AGXT2: variants seen among roughly 807,000 people sequenced by gnomAD.
AGXT2 encodes the protein alanine--glyoxylate aminotransferase 2.
Under a neutral mutation model 62.5 loss-of-function variants are expected in AGXT2, and 61 were observed. The observed-to-expected ratio is 0.98, with a 90% confidence interval of 0.79 to 1.21. The LOEUF (loss-of-function observed/expected upper bound fraction) is 1.21, where lower values mean the gene tolerates loss of function less well. Ranked by LOEUF, AGXT2 falls within the 50% of genes most tolerant of loss-of-function variation. The pLI is 0.00. For missense variants in AGXT2, 666 were observed against 641.5 expected (o/e 1.04, Z -0.41); for synonymous variants, 243 against 218.7 (o/e 1.11, Z -0.98).
chr5:34,998,909 A>C, intron 13 of AGXT2, 83 bp from the exon 14 acceptor site: 1 of 1,034,422 alleles, frequency 9.7e-7, no homozygotes, highest in Non-Finnish European at 1.5e-6. Context: ...CTAAAAATCC[A>C]AAACCTTGTG....
chr5:35,026,310 T>C (rs953999017), intron 8 of AGXT2, 100 bp downstream of exon 8: 3 of 960,004 alleles, frequency 3.1e-6, no homozygotes. Flanking sequence ...AGGGACACAG[T>C]GAGCACTTAA....
At position 35,045,188 on chromosome 5, in the gene AGXT2, A is replaced by G. The variant is rs146270111; in HGVS notation, c.88+2617T>C. On this transcript the variant is annotated intron_variant, in intron 1 of 13. Coordinates refer to ENST00000231420, the MANE Select transcript of AGXT2 (RefSeq NM_031900.4). ...TTAGCCCAAAGTGATTGTGCATATC[A>G]AAGTGTAAACAAAGCTGAACATTTT... Among the ~76,000 whole-genome samples, 7 of 152,368 alleles carry G rather than the reference A, an allele frequency of 4.6e-5. No individual in the cohort carries two copies. In the East Asian group the frequency reaches 1.3e-3, roughly 29 times the overall value.
At chr5:35,015,840 A>G (rs1766830384) in intron 9 of AGXT2, among the ~76,000 whole-genome samples, 1 of 112,948 alleles carries the variant, frequency 8.9e-6, no homozygotes, top group Non-Finnish European at 1.7e-5. Context: ...ACAGAGTGAG[A>G]CTCCATCTCA....
At chr5:35,005,596 T>C (rs571343206) in intron 12 of AGXT2, among the ~76,000 whole-genome samples, 137 of 151,892 alleles carry the variant, frequency 9.0e-4, no homozygotes, top group Non-Finnish European at 1.4e-3. Context: ...AGCACCCTCT[T>C]GGCTCCCTTG....
chr5:35,038,627 C>G (rs1357985192), intron 3 of AGXT2, among the ~76,000 whole-genome samples: 2 of 152,138 alleles, frequency 1.3e-5, no homozygotes, highest in Non-Finnish European at 2.9e-5. Context: ...GATGGAAGGG[C>G]CCACATCTAT....
chr5:35,016,639 C>T (rs1276535434), intron 9 of AGXT2, among the ~76,000 whole-genome samples: 1 of 152,120 alleles, frequency 6.6e-6, no homozygotes, highest in Non-Finnish European at 1.5e-5. Flanking sequence ...ATGAGCCTGC[C>T]GTCTTCTCGG....
intron 9 of AGXT2, among the ~76,000 whole-genome samples, chr5:35,018,236 C>T (rs1439797470): frequency 1.3e-5 from 2 of 152,136 alleles, no homozygotes; most frequent in African/African-American, 4.8e-5. Context: ...CACAAAGATA[C>T]TCCTTGAGAA....
intron 13 of AGXT2, among the ~76,000 whole-genome samples, chr5:35,001,215 A>T (rs1408936161): frequency 2.0e-5 from 3 of 152,312 alleles, no homozygotes; most frequent in Non-Finnish European, 4.4e-5. Flanking sequence ...GATGTTTATG[A>T]ACACCTTGAA....
chr5:35,033,402 A>T, intron 6 of AGXT2, 58 bp downstream of exon 6: 1 of 1,311,946 alleles, frequency 7.6e-7, no homozygotes, highest in Non-Finnish European at 1.1e-6. Context: ...AAACCTGATC[A>T]ACTACTTCAC....
chr5:35,045,764 C>CTTTTTTTTTT (rs1255749919), intron 1 of AGXT2, among the ~76,000 whole-genome samples: 4 of 99,156 alleles, frequency 4.0e-5, no homozygotes, highest in African/African-American at 7.3e-5. Flanking sequence ...TTTCTTTTTT[C>CTTTTTTTTTT]TTTTTTTTTT....
rs1035002299 is a variant in AGXT2 at position 35,014,113 on chromosome 5, T to C, written c.970A>G (p.Thr324Ala). The C allele has an allele frequency of 6.2e-7, 1 of 1,613,918 alleles. No individual in the cohort carries two copies. Among genetic ancestry groups the C allele is most frequent in the Non-Finnish European group, 8.5e-7 (1 of 1,179,988 alleles). Residue 324 changes from threonine (T) to alanine (A), a missense_variant, in exon 10 of 14, where the codon ACA becomes GCA. Transcript: ENST00000231420. ...TGAGAGCCCAACCTTCCAAATCCTG[T>C]CTGCACCTGGGAAAACAAGTTCAAA... ...GGVCIADEVQTGFGRLGSHFW... is the reference protein window; with the variant it reads ...GGVCIADEVQAGFGRLGSHFW...
At chr5:35,005,946 T>C (rs1015550586) in intron 12 of AGXT2, among the ~76,000 whole-genome samples, 1 of 152,172 alleles carries the variant, frequency 6.6e-6, no homozygotes, top group Non-Finnish European at 1.5e-5. Flanking sequence ...ATCCTATTCC[T>C]AGGGACACCT....
chr5:35,018,575 A>G (rs1274594355), intron 9 of AGXT2, among the ~76,000 whole-genome samples: 2 of 152,194 alleles, frequency 1.3e-5, no homozygotes, highest in African/African-American at 2.4e-5. Context: ...TGAAGGAAGC[A>G]CTAAACATGG....
rs566664447 is a variant in AGXT2 at position 35,033,320 on chromosome 5, A to G, written c.675+140T>C. The G allele has an allele frequency of 6.9e-6, 5 of 723,940 alleles. No individual in the cohort carries two copies. The East Asian group carries it at 8.1e-5, about 12-fold the overall frequency. 44.8% of individuals were successfully genotyped at this position (723,940 alleles called of 1,614,324 possible). ...CTAATGGTGTCCTCAAGTGGTCTCCAATTCAATTAGGTCAAATTGAGCCCC... is the reference window on the plus strand; with the variant it reads ...CTAATGGTGTCCTCAAGTGGTCTCCGATTCAATTAGGTCAAATTGAGCCCC... On this transcript the variant is annotated intron_variant, in intron 6 of 13. Transcript: ENST00000231420.
Position 35,000,450 on chromosome 5 carries a change from G to A in AGXT2, c.1438-1624C>T, listed in dbSNP as rs558527257. Among the ~76,000 whole-genome samples the A allele has an allele frequency of 5.3e-5, 8 of 152,092 alleles. No individual in the cohort carries two copies. The South Asian group carries it at 1.2e-3, about 24-fold the overall frequency. On this transcript the variant is annotated intron_variant, in intron 13 of 13. Coordinates refer to ENST00000231420, the MANE Select transcript of AGXT2 (RefSeq NM_031900.4). Reference sequence around the variant, plus strand: ...GGCTGGAGTGCAGTGGCACAATCTCGGCTCACTGCAACCTCCGCCTCCCAG... The same window carrying A: ...GGCTGGAGTGCAGTGGCACAATCTCAGCTCACTGCAACCTCCGCCTCCCAG...
intron 9 of AGXT2, among the ~76,000 whole-genome samples, chr5:35,021,053 A>G (rs1261807657): frequency 6.6e-6 from 1 of 152,220 alleles, no homozygotes; most frequent in Non-Finnish European, 1.5e-5. Flanking sequence ...ACTACAAACC[A>G]CTGCTCAAGG....
chr5:35,039,343 T>C lies in AGXT2; in HGVS notation c.343A>G (p.Ser115Gly). 6.2e-7 allele frequency: 1 copy of C among 1,614,104 alleles called. No homozygotes were observed. The highest frequency in any genetic ancestry group is 2.2e-5 in the East Asian group (1 of 44,890). ...LDFFSGIVTV[S>G]VGHCHPKVNA... is the part of the protein sequence containing the mutation. ...ACTCACGGGTGGCAATGGCCAACAC[T>C]GACAGTAACAATCCCGGAAAAGAAA... The change falls in exon 3 of 14, where the codon AGT becomes GGT. Residue 115 changes from serine (S) to glycine (G), a missense_variant. Ser to Gly is a moderately conservative substitution (Grantham distance 56, BLOSUM62 0). Transcript: ENST00000231420.
In AGXT2 at chr5:35,040,641, T is replaced by C; in HGVS notation, c.111A>G (p.Val37=). The C allele has an allele frequency of 1.2e-6, 2 of 1,613,962 alleles. No homozygotes were observed. The highest frequency in any genetic ancestry group is 2.7e-5 in the African/African-American group (2 of 75,042). Residue 37 remains valine (V), a synonymous_variant, in exon 2 of 14, where the codon GTA becomes GTG. Coordinates refer to ENST00000231420, the MANE Select transcript of AGXT2 (RefSeq NM_031900.4). The stretch of plus-strand genomic sequence containing the variant: ...GCTTTGTATGAAGACTGAGCTTGGT[T>C]ACTGATGTCCGGGAAGTACCTACTG... The part of the protein sequence containing the change: ...FLSLGTSRTS[V]TKLSLHTKPR...
chr5:35,009,872 G>A, intron 12 of AGXT2, 128 bp downstream of exon 12: 1 of 1,266,910 alleles, frequency 7.9e-7, no homozygotes, highest in South Asian at 1.2e-5. Flanking sequence ...ATCTCTAAAG[G>A]GCTTTGCTGA....
Sources: allele counts gnomAD v4.1 joint callset (sites outside exome capture counted in the v4.1 genomes callset), GRCh38; gene constraint gnomAD v4.1.1; transcripts MANE v1.5; gene names NCBI Gene and HGNC (gene_info 2026-07-23, HGNC 2026-07-21).